The following THEMIS variants were observed in gnomAD, a reference collection of about 807,000 sequenced individuals.
THEMIS encodes the protein protein THEMIS.
A neutral mutation model predicts 52.6 loss-of-function variants in THEMIS; 37 were observed. The observed-to-expected ratio is 0.70, with a 90% CI of 0.54 to 0.93. THEMIS has a LOEUF of 0.93. THEMIS is among the 40% of genes least tolerant of loss of function. The pLI is 0.00. For missense variants in THEMIS, 808 were observed against 763.1 expected (o/e 1.06, Z -0.69); for synonymous variants, 292 against 272.7 (o/e 1.07, Z -0.70).
intron 3 of THEMIS, among the ~76,000 whole-genome samples, chr6:127,820,862 A>T (rs1249644545): frequency 1.3e-5 from 2 of 151,928 alleles, no homozygotes; most frequent in Non-Finnish European, 2.9e-5. Context: ...TAAAATAAAA[A>T]CTCATTATTT....
At chr6:127,851,528 A>C (rs1355383580) in intron 2 of THEMIS, among the ~76,000 whole-genome samples, 1 of 151,774 alleles carries the variant, frequency 6.6e-6, no homozygotes, top group Non-Finnish European at 1.5e-5. Context: ...AAAATGAGCA[A>C]AAGACTTGAA....
In THEMIS at chr6:127,830,010, G is replaced by A. The variant is rs1778646703; in HGVS notation, c.251-76C>T. 4.7e-6 allele frequency: 5 copies of A among 1,065,962 alleles called. No homozygotes were observed. In the East Asian group the frequency reaches 1.2e-4, roughly 26 times the overall value. 66.0% of individuals were successfully genotyped at this position (1,065,962 alleles called of 1,614,324 possible). A position where few individuals can be genotyped will look rare whatever the true frequency, so the allele number is the denominator to read the frequency against. ...CTCACAAGAAAATCACAAGGAGAGAGTTACAACACAAGTACTGCATACATT... is the reference window on the plus strand; with the variant it reads ...CTCACAAGAAAATCACAAGGAGAGAATTACAACACAAGTACTGCATACATT... On this transcript the variant is annotated intron_variant, in intron 2 of 5. Coordinates refer to ENST00000368248, the MANE Select transcript of THEMIS (RefSeq NM_001010923.3).
At chr6:127,724,197 T>C (rs1011301088) in intron 4 of THEMIS, among the ~76,000 whole-genome samples, 9 of 152,130 alleles carry the variant, frequency 5.9e-5, no homozygotes, top group Non-Finnish European at 1.3e-4. Flanking sequence ...AAAACACATA[T>C]TTCAAATCCT....
chr6:127,875,268 TTTTG>T (rs1396434425), intron 1 of THEMIS, among the ~76,000 whole-genome samples: 1 of 152,218 alleles, frequency 6.6e-6, no homozygotes, highest in Non-Finnish European at 1.5e-5. Context: ...AAAGAGTTTA[TTTTG>T]TTTAACTTAA....
chr6:127,780,201 C>T (rs1776697940), intron 4 of THEMIS, among the ~76,000 whole-genome samples: 1 of 152,128 alleles, frequency 6.6e-6, no homozygotes, highest in South Asian at 2.1e-4. Context: ...TCTGTTTTAT[C>T]AGAGACTATG....
intron 4 of THEMIS, among the ~76,000 whole-genome samples, chr6:127,795,667 C>T (rs1447201234): frequency 6.6e-6 from 1 of 152,010 alleles, no homozygotes; most frequent in African/African-American, 2.4e-5. Context: ...GTTTTACAGG[C>T]TCATTTGAAA....
intron 2 of THEMIS, among the ~76,000 whole-genome samples, chr6:127,837,618 G>A (rs1324009301): frequency 6.6e-6 from 1 of 151,522 alleles, no homozygotes; most frequent in Non-Finnish European, 1.5e-5. Context: ...GTGTATATAT[G>A]TATGCATATA....
intron 4 of THEMIS, among the ~76,000 whole-genome samples, chr6:127,759,726 A>G (rs1775951307): frequency 6.6e-6 from 1 of 151,882 alleles, no homozygotes; most frequent in African/African-American, 2.4e-5. Context: ...GGATTATTTA[A>G]AAGGTTTTTC....
chr6:127,731,398 C>G (rs1274362410), intron 4 of THEMIS, among the ~76,000 whole-genome samples: 1 of 151,362 alleles, frequency 6.6e-6, no homozygotes, highest in East Asian at 1.9e-4. Context: ...GAAAAAAAAA[C>G]AGAACTCTCA....
intron 1 of THEMIS, among the ~76,000 whole-genome samples, chr6:127,897,575 A>T (rs926326071): frequency 6.6e-6 from 1 of 151,574 alleles, no homozygotes; most frequent in Non-Finnish European, 1.5e-5. Flanking sequence ...AAGGAGATGA[A>T]AACTAAAACC....
At chr6:127,757,555 T>C (rs1274451488) in intron 4 of THEMIS, among the ~76,000 whole-genome samples, 1 of 152,058 alleles carries the variant, frequency 6.6e-6, no homozygotes, top group Admixed American at 6.5e-5. Context: ...CTATCTCGGC[T>C]CACTGCAAGC....
chr6:127,719,189 C>T (rs1774276563), intron 5 of THEMIS, among the ~76,000 whole-genome samples: 1 of 151,834 alleles, frequency 6.6e-6, no homozygotes, highest in African/African-American at 2.4e-5. Context: ...TAATTGAATG[C>T]TATCAACTCC....
chr6:127,830,428 G>C (rs1387651527), intron 2 of THEMIS, among the ~76,000 whole-genome samples: 1 of 152,126 alleles, frequency 6.6e-6, no homozygotes, highest in Non-Finnish European at 1.5e-5. Flanking sequence ...AGCTGGGCCT[G>C]CAATCCCAGA....
chr6:127,769,345 T>G (rs959255373), intron 4 of THEMIS, among the ~76,000 whole-genome samples: 1 of 146,656 alleles, frequency 6.8e-6, no homozygotes, highest in Admixed American at 6.7e-5. Context: ...TAGACCAGTT[T>G]TTTTTTGTTT....
At chr6:127,802,881 G>C (rs1777582879) in intron 4 of THEMIS, among the ~76,000 whole-genome samples, 2 of 152,134 alleles carry the variant, frequency 1.3e-5, no homozygotes, top group Non-Finnish European at 2.9e-5. Flanking sequence ...GGAGAACCCT[G>C]AATAATGTGC....
intron 3 of THEMIS, among the ~76,000 whole-genome samples, chr6:127,819,835 G>A (rs1320366042): frequency 6.6e-6 from 1 of 152,180 alleles, no homozygotes; most frequent in Non-Finnish European, 1.5e-5. Flanking sequence ...AAACTCAGAT[G>A]TACACACAGA....
intron 3 of THEMIS, among the ~76,000 whole-genome samples, chr6:127,823,241 T>C (rs1778400186): frequency 6.6e-6 from 1 of 152,190 alleles, no homozygotes; most frequent in South Asian, 2.1e-4. Context: ...GAGTATCTAC[T>C]GGTTCTAAAT....
chr6:127,862,107 A>G (rs1003315440), intron 1 of THEMIS, among the ~76,000 whole-genome samples: 2 of 152,134 alleles, frequency 1.3e-5, no homozygotes, highest in African/African-American at 2.4e-5. Context: ...TCAAGGAGTT[A>G]GAAAGTTAGA....
chr6:127,854,947 T>G, intron 2 of THEMIS, 83 bp downstream of exon 2: 1 of 1,238,568 alleles, frequency 8.1e-7, no homozygotes, highest in East Asian at 2.9e-5. Context: ...ACAGACCATT[T>G]TTTTCTTGTT....
Sources: allele counts gnomAD v4.1 joint callset (sites outside exome capture counted in the v4.1 genomes callset), GRCh38; gene constraint gnomAD v4.1.1; transcripts MANE v1.5; gene names NCBI Gene and HGNC (gene_info 2026-07-23, HGNC 2026-07-21).